The following PCDHA11 variants were observed in gnomAD, a reference collection of about 807,000 sequenced individuals.
PCDHA11 encodes protocadherin alpha 11.
PCDHA11 carries 61 observed loss-of-function variants against 70.3 expected under a neutral mutation model. That is an observed-to-expected ratio of 0.87 (90% CI 0.71 to 1.07). The LOEUF (loss-of-function observed/expected upper bound fraction) is 1.07, where lower values mean the gene tolerates loss of function less well. PCDHA11 is among the 50% of genes least tolerant of loss of function. PCDHA11 has a pLI of 0.00. For synonymous variants in PCDHA11, 633 were observed against 555.1 expected, an observed-to-expected ratio of 1.14 and a Z score of -1.97; for missense variants, 1,324 against 1,237.5, an observed-to-expected ratio of 1.07 and a Z score of -1.05.
chr5:140,883,747 G>A (rs781812387), intron 1 of PCDHA11: 5 of 1,613,274 alleles, frequency 3.1e-6, no homozygotes, highest in South Asian at 2.2e-5. Context: ...TCTCCTACTC[G>A]CTGGTGGAGC....
intron 1 of PCDHA11, among the ~76,000 whole-genome samples, chr5:140,900,073 G>C (rs1490261769): frequency 6.6e-6 from 1 of 152,072 alleles, no homozygotes; most frequent in South Asian, 2.1e-4. Context: ...GCCTCCAAAA[G>C]TGCTGCAGTT....
chr5:140,891,920 C>G (rs1396526194), intron 1 of PCDHA11, among the ~76,000 whole-genome samples: 10 of 152,206 alleles, frequency 6.6e-5, no homozygotes, highest in Non-Finnish European at 8.8e-5. Flanking sequence ...GATGCTGGTG[C>G]CTTGATCTTG....
At chr5:140,982,364 T>A in intron 2 of PCDHA11, 111 bp from the exon 3 acceptor site, 1 of 1,534,660 alleles carries the variant, frequency 6.5e-7, no homozygotes, top group Non-Finnish European at 8.8e-7. Flanking sequence ...ATGAGCAGAA[T>A]GTGTTAGCTG....
At chr5:140,975,130 G>C (rs1445050521) in intron 1 of PCDHA11, among the ~76,000 whole-genome samples, 1 of 152,082 alleles carries the variant, frequency 6.6e-6, no homozygotes, top group Non-Finnish European at 1.5e-5. Flanking sequence ...CTTACTATTG[G>C]CCTGGGGTCA....
At chr5:140,875,894 C>T in intron 1 of PCDHA11, 1 of 1,614,170 alleles carries the variant, frequency 6.2e-7, no homozygotes, top group Non-Finnish European at 8.5e-7. Context: ...CAAAAGGTAC[C>T]TGTTTCTGAA....
At chr5:140,923,983 T>C (rs1180891950) in intron 1 of PCDHA11, among the ~76,000 whole-genome samples, 1 of 152,220 alleles carries the variant, frequency 6.6e-6, no homozygotes, top group African/African-American at 2.4e-5. Context: ...ACTATCCCTC[T>C]AGGTGCAGCT....
intron 1 of PCDHA11, chr5:140,875,508 G>GC: frequency 6.2e-7 from 1 of 1,613,706 alleles, no homozygotes; most frequent in South Asian, 1.1e-5. Flanking sequence ...CGGGATCCCA[G>GC]CGTCTGCTGC....
At chr5:140,966,968 G>T in intron 1 of PCDHA11, 1 of 1,602,616 alleles carries the variant, frequency 6.2e-7, no homozygotes. Context: ...GCTGGGGCTT[G>T]AGCTGCGGCG....
intron 3 of PCDHA11, among the ~76,000 whole-genome samples, chr5:141,006,404 G>T (rs1001810745): frequency 6.6e-6 from 1 of 151,938 alleles, no homozygotes; most frequent in Admixed American, 6.6e-5. Flanking sequence ...TAGTAGAGAC[G>T]CGGTTTCACT....
In PCDHA11 at chr5:140,876,858, G is replaced by A. The variant is rs201724019; in HGVS notation, c.2391+5364G>A. The A allele has an allele frequency of 1.3e-4, 215 of 1,614,152 alleles. No homozygotes were observed. In the East Asian group the frequency reaches 3.0e-3, roughly 22 times the overall value. ...CGTTCGCGCAGCCCGAGTACACAGT[G>A]TTCGTGAAGGAGAACAACCCGCCGG... On this transcript the variant is annotated intron_variant, in intron 1 of 3. Transcript: ENST00000398640.
chr5:140,934,625 A>G (rs1554210030), intron 1 of PCDHA11, among the ~76,000 whole-genome samples: 1 of 152,116 alleles, frequency 6.6e-6, no homozygotes, highest in Non-Finnish European at 1.5e-5. Context: ...GGTACAGTTC[A>G]CACAGGAAAG....
intron 1 of PCDHA11, chr5:140,967,255 T>G (rs202164321): frequency 2.5e-6 from 4 of 1,613,342 alleles, no homozygotes; most frequent in Non-Finnish European, 3.4e-6. Context: ...CGGTGGCGCC[T>G]GGAGCGCGCT....
At chr5:140,877,853 AT>A in intron 1 of PCDHA11, 2 of 1,535,524 alleles carry the variant, frequency 1.3e-6, no homozygotes, top group Non-Finnish European at 1.7e-6. Context: ...AGTTATTAAT[AT>A]TATTTAGATA....
intron 1 of PCDHA11, among the ~76,000 whole-genome samples, chr5:140,977,932 C>T (rs2096781582): frequency 6.6e-6 from 1 of 151,944 alleles, no homozygotes; most frequent in Non-Finnish European, 1.5e-5. Flanking sequence ...TCAACTATAC[C>T]TCAATATTCA....
intron 1 of PCDHA11, among the ~76,000 whole-genome samples, chr5:140,932,376 A>G (rs2088262778): frequency 6.6e-6 from 1 of 151,964 alleles, no homozygotes; most frequent in African/African-American, 2.4e-5. Context: ...TTTCCACATG[A>G]AAGTTATACA....
At chr5:140,871,528 T>C (rs373016617) in intron 1 of PCDHA11, 34 bp downstream of exon 1, 418 of 1,530,484 alleles carry the variant, frequency 2.7e-4, no homozygotes, top group Non-Finnish European at 3.4e-4. Flanking sequence ...TATCAGGAAG[T>C]GTATGTGAAA....
chr5:140,902,866 C>T (rs1449193268), intron 1 of PCDHA11, among the ~76,000 whole-genome samples: 1 of 152,186 alleles, frequency 6.6e-6, no homozygotes, highest in Non-Finnish European at 1.5e-5. Context: ...TCCAGGTCCA[C>T]CCAAGCTGCT....
chr5:140,881,282 G>A, intron 1 of PCDHA11: 1 of 795,028 alleles, frequency 1.3e-6, no homozygotes, highest in Non-Finnish European at 1.5e-6. Context: ...GTAAGATGGA[G>A]AGAGAAAATG....
In PCDHA11 at chr5:140,877,706, T is replaced by C. The variant is rs142399025; in HGVS notation, c.2391+6212T>C. On this transcript the variant is annotated intron_variant, in intron 1 of 3. Coordinates refer to ENST00000398640, the MANE Select transcript of PCDHA11 (RefSeq NM_018902.5). ...CCCACGCTGGTGTGCTCCAGCGCCG[T>C]GGGGAGTTGGTCTTACTCGCAGCAG... is the stretch of plus-strand genomic sequence containing the variant. The C allele has an allele frequency of 5.8e-4, 943 of 1,613,918 alleles. 7 individuals carry two copies. In the African/African-American group the frequency reaches 0.011, roughly 19 times the overall value.
Sources: allele counts gnomAD v4.1 joint callset (sites outside exome capture counted in the v4.1 genomes callset), GRCh38; gene constraint gnomAD v4.1.1; transcripts MANE v1.5; gene names NCBI Gene and HGNC (gene_info 2026-07-23, HGNC 2026-07-21).